Variants in PRLR observed in about 807,000 individuals in gnomAD.
PRLR encodes the protein hPRL receptor.
A neutral mutation model predicts 40.2 loss-of-function variants in PRLR; 13 were observed. The ratio of observed to expected loss-of-function variants is 0.32; its 90% CI spans 0.21 to 0.51. The LOEUF is 0.51. Ranked by LOEUF, PRLR falls within the 20% of genes least tolerant of loss-of-function variation. The pLI, the probability that PRLR is intolerant of heterozygous loss-of-function variation, is 0.97. For missense variants in PRLR, 656 were observed against 747.3 expected, an observed-to-expected ratio of 0.88 and a Z score of 1.42; for synonymous variants, 269 against 278.7, an observed-to-expected ratio of 0.97 and a Z score of 0.35.
chr5:35,152,011 G>A (rs886831953), intron 1 of PRLR, among the ~76,000 whole-genome samples: 6 of 152,150 alleles, frequency 3.9e-5, no homozygotes, highest in Non-Finnish European at 8.8e-5. Flanking sequence ...CATCATAATA[G>A]AAAGGTGTTT....
At chr5:35,145,364 G>A (rs1411341475) in intron 1 of PRLR, among the ~76,000 whole-genome samples, 2 of 152,240 alleles carry the variant, frequency 1.3e-5, no homozygotes, top group South Asian at 2.1e-4. Flanking sequence ...AAAAGTGGAC[G>A]GCCCCTAATT....
intron 1 of PRLR, among the ~76,000 whole-genome samples, chr5:35,229,360 T>C (rs1259592935): frequency 6.6e-6 from 1 of 152,076 alleles, no homozygotes; most frequent in Admixed American, 6.6e-5. Context: ...TGCAACCATT[T>C]TCAAGTCCAG....
rs1016391852 is a variant in PRLR, at chr5:35,215,608, T to C, written c.-106+14660A>G. The stretch of plus-strand genomic sequence containing the variant: ...CTCACTTGCTCCACAGCTTCACTCC[T>C]GGAAAATTAGAGCTGAGATCTATGT... On this transcript the variant is annotated intron_variant, in intron 1 of 9. Coordinates refer to ENST00000618457, the MANE Select transcript of PRLR (RefSeq NM_000949.7). 2.6e-5 allele frequency among the ~76,000 whole-genome samples: 4 copies of C among 152,254 alleles called. No individual in the cohort carries two copies. In the South Asian group the frequency reaches 8.3e-4, roughly 32 times the overall value.
rs186844690 is a variant in PRLR at position 35,055,778 on chromosome 5, G to A, written c.*9311C>T. Reference sequence around the variant, plus strand: ...TGCAAAAGCATTTGCTCTGAAAAGGGACTGAAAAATGCATCATAAAGTTAC... The same window carrying A: ...TGCAAAAGCATTTGCTCTGAAAAGGAACTGAAAAATGCATCATAAAGTTAC... On this transcript the variant is annotated 3_prime_UTR_variant, in exon 10 of 10. Transcript: ENST00000618457. 2 of 152,086 alleles carry A rather than the reference G, an allele frequency of 1.3e-5. No homozygotes were observed. The highest frequency in any genetic ancestry group is 4.8e-5 in the African/African-American group (2 of 41,408). The allele number at this position is 152,086 out of a possible 1,614,324, so 9.4% of individuals were successfully genotyped here. A position where few individuals can be genotyped will look rare whatever the true frequency, so the allele number is the denominator to read the frequency against.
chr5:35,064,904 GA>G lies in PRLR; in HGVS notation c.*184del. On this transcript the variant is annotated 3_prime_UTR_variant, in exon 10 of 10. Transcript: ENST00000618457. The stretch of plus-strand genomic sequence containing the variant: ...AAGTAAATCTACAAATCACAGTTAG[GA>G]AACATAATGATTTGTTCTGGAATCA... 1 of 645,684 alleles carries G rather than the reference GA, an allele frequency of 1.5e-6. No homozygotes were observed. 40.0% of individuals were successfully genotyped at this position (645,684 alleles called of 1,614,324 possible).
chr5:35,216,208 T>G (rs1010235135), intron 1 of PRLR, among the ~76,000 whole-genome samples: 1 of 152,116 alleles, frequency 6.6e-6, no homozygotes, highest in Non-Finnish European at 1.5e-5. Flanking sequence ...CCACAGGCTC[T>G]CAAAATGTTT....
intron 1 of PRLR, among the ~76,000 whole-genome samples, chr5:35,219,648 C>T (rs1025078255): frequency 2.6e-5 from 4 of 152,152 alleles, no homozygotes; most frequent in African/African-American, 9.7e-5. Context: ...GCGAATGTGA[C>T]CTTTCCAGCA....
intron 1 of PRLR, among the ~76,000 whole-genome samples, chr5:35,170,770 T>G (rs1366740151): frequency 1.3e-5 from 2 of 152,192 alleles, no homozygotes; most frequent in Non-Finnish European, 2.9e-5. Flanking sequence ...CTTCAAAATT[T>G]AATATGCCCT....
At chr5:35,178,896 A>T (rs1482591617) in intron 1 of PRLR, among the ~76,000 whole-genome samples, 1 of 152,186 alleles carries the variant, frequency 6.6e-6, no homozygotes, top group Non-Finnish European at 1.5e-5. Flanking sequence ...AAGTTTTGAG[A>T]TAGGATTTCT....
chr5:35,052,337 G>GA (rs1449517064), downstream of PRLR, among the ~76,000 whole-genome samples: 2 of 152,116 alleles, frequency 1.3e-5, no homozygotes, highest in Non-Finnish European at 2.9e-5. Flanking sequence ...AATTAACAGA[G>GA]AAAAGCCATG....
At chr5:35,125,022 C>G (rs1400713506) in intron 1 of PRLR, among the ~76,000 whole-genome samples, 1 of 152,172 alleles carries the variant, frequency 6.6e-6, no homozygotes, top group Non-Finnish European at 1.5e-5. Context: ...ATTAGCAGAT[C>G]TATATCTAGA....
intron 1 of PRLR, among the ~76,000 whole-genome samples, chr5:35,224,266 C>G (rs1776496539): frequency 6.6e-6 from 1 of 152,196 alleles, no homozygotes; most frequent in Non-Finnish European, 1.5e-5. Context: ...ACATCTAACT[C>G]ATCACAATCC....
chr5:35,183,819 C>T (rs574340791), intron 1 of PRLR, among the ~76,000 whole-genome samples: 38 of 152,160 alleles, frequency 2.5e-4, no homozygotes, highest in Non-Finnish European at 4.6e-4. Flanking sequence ...GGGTTATAGA[C>T]TGGTGTATCT....
rs543947908 is a variant in PRLR, at chr5:35,171,994, AG to A, written c.-105-53873del. On this transcript the variant is annotated intron_variant, in intron 1 of 9. Transcript: ENST00000618457. The stretch of plus-strand genomic sequence containing the variant: ...TATTTTTTGCCCAGTCACAGCCCTC[AG>A]GTTGTTTAACATGAGGGGCTGGGGC... 2.0e-5 allele frequency among the ~76,000 whole-genome samples: 3 copies of A among 152,312 alleles called. No homozygotes were observed. In the South Asian group the frequency reaches 6.2e-4, roughly 32 times the overall value.
At chr5:35,074,143 T>C (rs1241769869) in intron 5 of PRLR, among the ~76,000 whole-genome samples, 1 of 152,126 alleles carries the variant, frequency 6.6e-6, no homozygotes, top group African/African-American at 2.4e-5. Context: ...AATCCAAATG[T>C]CCATCAGTTG....
chr5:35,109,217 C>T (rs1335622053), intron 2 of PRLR, among the ~76,000 whole-genome samples: 1 of 152,156 alleles, frequency 6.6e-6, no homozygotes, highest in East Asian at 1.9e-4. Context: ...AAAATTAACT[C>T]AAGATGGATT....
chr5:35,077,113 A>G (rs1203260402), intron 5 of PRLR, among the ~76,000 whole-genome samples: 1 of 152,192 alleles, frequency 6.6e-6, no homozygotes, highest in Non-Finnish European at 1.5e-5. Flanking sequence ...AAAGACCATC[A>G]ATGCTAGGAA....
intron 2 of PRLR, among the ~76,000 whole-genome samples, chr5:35,114,851 G>A (rs1772914124): frequency 1.3e-5 from 2 of 152,108 alleles, no homozygotes; most frequent in African/African-American, 2.4e-5. Context: ...GTTTGGGTGC[G>A]GCAGATGCAT....
intron 1 of PRLR, among the ~76,000 whole-genome samples, chr5:35,136,327 C>G (rs936559017): frequency 6.6e-6 from 1 of 152,166 alleles, no homozygotes; most frequent in Non-Finnish European, 1.5e-5. Context: ...GGAGGACAAT[C>G]TCTAGAAGAG....
Sources: allele counts gnomAD v4.1 joint callset (sites outside exome capture counted in the v4.1 genomes callset), GRCh38; gene constraint gnomAD v4.1.1; transcripts MANE v1.5; gene names NCBI Gene and HGNC (gene_info 2026-07-23, HGNC 2026-07-21).